The following ATL1 variants were observed in gnomAD, a reference collection of about 807,000 sequenced individuals.
ATL1 encodes atlastin GTPase 1, also known as atlastin-1.
ATL1 carries 31 observed loss-of-function variants against 75.5 expected under a neutral mutation model. The ratio of observed to expected loss-of-function variants is 0.41; its 90% CI spans 0.31 to 0.55. The LOEUF (loss-of-function observed/expected upper bound fraction) is 0.55. ATL1 is among the 20% of genes least tolerant of loss of function. The pLI is 0.27. For missense variants in ATL1, 405 were observed against 662.6 expected, an observed-to-expected ratio of 0.61 and a Z score of 4.27; for synonymous variants, 226 against 233.3, an observed-to-expected ratio of 0.97 and a Z score of 0.28.
chr14:50,625,616 G>C (rs2039511008), intron 11 of ATL1, among the ~76,000 whole-genome samples: 1 of 152,094 alleles, frequency 6.6e-6, no homozygotes, highest in African/African-American at 2.4e-5. Flanking sequence ...CCAAATTCTA[G>C]GCACTTAAGA....
chr14:50,544,573 G>T (rs1402291539), intron 1 of ATL1, among the ~76,000 whole-genome samples: 1 of 152,152 alleles, frequency 6.6e-6, no homozygotes, highest in African/African-American at 2.4e-5. Context: ...TCTAGGCATG[G>T]ATGTCTGCTT....
intron 1 of ATL1, among the ~76,000 whole-genome samples, chr14:50,539,458 C>T (rs1216229291): frequency 1.3e-5 from 2 of 152,138 alleles, no homozygotes; most frequent in African/African-American, 4.8e-5. Flanking sequence ...TCTCTCATAG[C>T]TAAGGGGAAG....
At chr14:50,567,497 A>C (rs1464687119) in intron 1 of ATL1, among the ~76,000 whole-genome samples, 1 of 152,120 alleles carries the variant, frequency 6.6e-6, no homozygotes, top group East Asian at 1.9e-4. Flanking sequence ...GAATTGCTGG[A>C]TCTTATGGTA....
At position 50,560,199 on chromosome 14, in the gene ATL1, C is replaced by A; in HGVS notation, c.-67C>A. The A allele has an allele frequency of 6.3e-7, 1 of 1,597,794 alleles. No homozygotes were observed. The highest frequency in any genetic ancestry group is 8.5e-7 in the Non-Finnish European group (1 of 1,170,602). On this transcript the variant is annotated 5_prime_UTR_variant, in exon 1 of 14. Coordinates refer to ENST00000358385, the MANE Select transcript of ATL1 (RefSeq NM_015915.5). The stretch of plus-strand genomic sequence containing the variant: ...GCACGGAGCCTCCCACCGCCAGCAA[C>A]CTGCGGCCCCGGAGAAGGCAGCGAG...
intron 5 of ATL1, among the ~76,000 whole-genome samples, chr14:50,594,840 C>G (rs1415002007): frequency 6.6e-6 from 1 of 151,726 alleles, no homozygotes; most frequent in Non-Finnish European, 1.5e-5. Context: ...ACCAAAAATA[C>G]AAAAATTAGC....
chr14:50,616,744 G>C (rs2039419626), intron 8 of ATL1, among the ~76,000 whole-genome samples: 1 of 152,176 alleles, frequency 6.6e-6, no homozygotes, highest in Non-Finnish European at 1.5e-5. Context: ...GTGAAAGGCA[G>C]CTTCAATTTC....
rs1403205695 is a variant in ATL1, at chr14:50,586,838, TG to T, written c.35-990del. 2.6e-5 allele frequency among the ~76,000 whole-genome samples: 4 copies of T among 152,320 alleles called. No homozygotes were observed. In the South Asian group the frequency reaches 8.3e-4, roughly 32 times the overall value. ...TGTCACTTTCTAATAGTTGTGCTCTTGGGAAATTTAATTAGATTCTTAATTT... is the reference window on the plus strand; with the variant it reads ...TGTCACTTTCTAATAGTTGTGCTCTTGGAAATTTAATTAGATTCTTAATTT... On this transcript the variant is annotated intron_variant, in intron 1 of 13. Transcript: ENST00000358385.
At chr14:50,627,375 G>A (rs187776503) in intron 11 of ATL1, among the ~76,000 whole-genome samples, 15 of 152,262 alleles carry the variant, frequency 9.9e-5, no homozygotes, top group African/African-American at 3.1e-4. Flanking sequence ...TTATTGCAGT[G>A]GTCTGGAACC....
chr14:50,549,430 T>C (rs2038674733), intron 1 of ATL1, among the ~76,000 whole-genome samples: 1 of 152,148 alleles, frequency 6.6e-6, no homozygotes, highest in Admixed American at 6.5e-5. Context: ...CCAAGTCACA[T>C]ACATAAACCC....
chr14:50,548,901 C>T (rs928034738), intron 1 of ATL1, among the ~76,000 whole-genome samples: 4 of 152,112 alleles, frequency 2.6e-5, no homozygotes, highest in African/African-American at 9.7e-5. Flanking sequence ...CAAGCAGAGG[C>T]CATCACCACC....
chr14:50,588,197 C>A, intron 2 of ATL1, 119 bp downstream of exon 2: 1 of 1,276,224 alleles, frequency 7.8e-7, no homozygotes. Context: ...TATGAACCAG[C>A]TAAAGAAATG....
intron 1 of ATL1, among the ~76,000 whole-genome samples, chr14:50,535,023 G>A (rs1010117151): frequency 6.6e-6 from 1 of 152,182 alleles, no homozygotes; most frequent in East Asian, 1.9e-4. Flanking sequence ...CATATGACAA[G>A]GTATGGAATA....
intron 8 of ATL1, among the ~76,000 whole-genome samples, chr14:50,619,828 G>C (rs1442157238): frequency 6.6e-6 from 1 of 152,174 alleles, no homozygotes; most frequent in Admixed American, 6.5e-5. Context: ...ACAGTTCTTA[G>C]AAGGTGGGCA....
At chr14:50,567,067 C>A (rs544487443) in intron 1 of ATL1, among the ~76,000 whole-genome samples, 1 of 152,308 alleles carries the variant, frequency 6.6e-6, no homozygotes, top group African/African-American at 2.4e-5. Flanking sequence ...TCACCACTGT[C>A]TATCTCCCGA....
chr14:50,551,233 A>G (rs1403228765), intron 1 of ATL1, among the ~76,000 whole-genome samples: 1 of 152,192 alleles, frequency 6.6e-6, no homozygotes, highest in Non-Finnish European at 1.5e-5. Context: ...AGATCATTCA[A>G]GGCTACTATG....
intron 1 of ATL1, among the ~76,000 whole-genome samples, chr14:50,554,921 GTAGA>G (rs943343571): frequency 1.3e-5 from 2 of 152,296 alleles, no homozygotes; most frequent in African/African-American, 4.8e-5. Flanking sequence ...ATGGAAGATG[GTAGA>G]GTGCACCTTT....
intron 9 of ATL1, 21 bp from the exon 10 acceptor site, chr14:50,621,822 A>T: frequency 6.7e-7 from 1 of 1,488,076 alleles, no homozygotes; most frequent in East Asian, 2.3e-5. Flanking sequence ...CTTGAACATG[A>T]ATCTTTTTCT....
intron 6 of ATL1, among the ~76,000 whole-genome samples, chr14:50,603,274 G>A (rs968377940): frequency 1.3e-5 from 2 of 152,136 alleles, no homozygotes; most frequent in African/African-American, 4.8e-5. Context: ...ATTCAGCCCA[G>A]TTTTCACCTA....
chr14:50,554,134 C>A (rs2038737383), intron 1 of ATL1, among the ~76,000 whole-genome samples: 1 of 151,592 alleles, frequency 6.6e-6, no homozygotes, highest in African/African-American at 2.4e-5. Context: ...TCCACAAAAA[C>A]CAATACGTAC....
Sources: allele counts gnomAD v4.1 joint callset (sites outside exome capture counted in the v4.1 genomes callset), GRCh38; gene constraint gnomAD v4.1.1; transcripts MANE v1.5; gene names NCBI Gene and HGNC (gene_info 2026-07-23, HGNC 2026-07-21).